Variants in NBAS observed in about 807,000 individuals in gnomAD.
The protein encoded by NBAS is NBAS subunit of NRZ tethering complex, also known as NAG/BC035112 fusion.
A neutral mutation model predicts 302.5 loss-of-function variants in NBAS; 219 were observed. The ratio of observed to expected loss-of-function variants is 0.72; its 90% CI spans 0.65 to 0.81. NBAS has a LOEUF of 0.81. Ranked by LOEUF, NBAS falls within the 30% of genes least tolerant of loss-of-function variation. The pLI is 0.00. For synonymous variants in NBAS, 1,118 were observed against 1,021.6 expected, an observed-to-expected ratio of 1.09 and a Z score of -1.80; for missense variants, 2,932 against 2,841.6, an observed-to-expected ratio of 1.03 and a Z score of -0.72.
At chr2:15,461,110 AATT>A in intron 21 of NBAS, 88 bp downstream of exon 21, 1 of 1,204,644 alleles carries the variant, frequency 8.3e-7, no homozygotes, top group Non-Finnish European at 1.2e-6. Context: ...ATTACATTAA[AATT>A]ATTTTTTTTA....
chr2:14,951,184 G>A, the NBAS span, among the ~76,000 whole-genome samples: 3 of 152,166 alleles, frequency 2.0e-5, no homozygotes, highest in Admixed American at 1.3e-4. Context: ...ACAGAAGAAA[G>A]GATGGGAAAT....
At chr2:15,425,684 T>G (rs1677435549) in intron 22 of NBAS, among the ~76,000 whole-genome samples, 1 of 151,946 alleles carries the variant, frequency 6.6e-6, no homozygotes, top group Non-Finnish European at 1.5e-5. Flanking sequence ...TCCAGGGATT[T>G]CCCCCCAGCT....
intron 40 of NBAS, among the ~76,000 whole-genome samples, chr2:15,299,288 T>C (rs1244789399): frequency 6.6e-6 from 1 of 152,244 alleles, no homozygotes; most frequent in African/African-American, 2.4e-5. Flanking sequence ...GGCAATGCAG[T>C]TCTTCAGGGA....
the NBAS span, among the ~76,000 whole-genome samples, chr2:15,104,419 T>C: frequency 6.6e-6 from 1 of 152,140 alleles, no homozygotes; most frequent in Non-Finnish European, 1.5e-5. Flanking sequence ...TCAGCACTCT[T>C]CTAGGCTCTG....
the NBAS span, among the ~76,000 whole-genome samples, chr2:15,001,194 T>C: frequency 6.6e-6 from 1 of 152,214 alleles, no homozygotes; most frequent in African/African-American, 2.4e-5. Context: ...CTCTCTACTA[T>C]TGAACTATCT....
intron 50 of NBAS, among the ~76,000 whole-genome samples, chr2:15,182,479 A>G (rs1324590091): frequency 3.9e-5 from 6 of 152,188 alleles, no homozygotes; most frequent in African/African-American, 7.2e-5. Context: ...GAACAATCAC[A>G]TTGACTTTTA....
intron 47 of NBAS, among the ~76,000 whole-genome samples, chr2:15,229,425 T>C (rs1016024564): frequency 8.2e-5 from 12 of 146,384 alleles, no homozygotes; most frequent in Non-Finnish European, 1.7e-4. Flanking sequence ...GTGTCAATTA[T>C]ACAATATAAA....
the NBAS span, among the ~76,000 whole-genome samples, chr2:15,106,274 T>G: frequency 6.6e-6 from 1 of 152,122 alleles, no homozygotes; most frequent in South Asian, 2.1e-4. Context: ...AAGATTCACA[T>G]TGAGGGCTGT....
At chr2:15,274,449 A>G (rs1331117392) in intron 44 of NBAS, among the ~76,000 whole-genome samples, 1 of 152,198 alleles carries the variant, frequency 6.6e-6, no homozygotes, top group Non-Finnish European at 1.5e-5. Flanking sequence ...AGAAGATTAA[A>G]CAGGAGCTCC....
rs1667965142 is a variant in NBAS at position 15,243,737 on chromosome 2, G to A, written c.5725-5051C>T. On this transcript the variant is annotated intron_variant, in intron 44 of 51. Coordinates refer to ENST00000281513, the MANE Select transcript of NBAS (RefSeq NM_015909.4). ...GTGTTGGGTGTTATATGATGCTGTGGGTATTACATGAAGTACTGTCCAGAT... is the reference window on the plus strand; with the variant it reads ...GTGTTGGGTGTTATATGATGCTGTGAGTATTACATGAAGTACTGTCCAGAT... Among the ~76,000 whole-genome samples the A allele has an allele frequency of 2.0e-5, 3 of 152,032 alleles. No homozygotes were observed. In the South Asian group the frequency reaches 6.2e-4, roughly 32 times the overall value.
At chr2:15,324,084 A>C (rs1229492025) in intron 38 of NBAS, among the ~76,000 whole-genome samples, 2 of 152,204 alleles carry the variant, frequency 1.3e-5, no homozygotes, top group East Asian at 3.9e-4. Context: ...ACAATCATGC[A>C]GGTCAGGGGA....
intron 9 of NBAS, among the ~76,000 whole-genome samples, chr2:15,533,527 G>A (rs779399466): frequency 3.9e-5 from 6 of 152,130 alleles, no homozygotes; most frequent in Non-Finnish European, 8.8e-5. Context: ...TTCCATTTAC[G>A]TGAAGTCAAA....
At chr2:15,271,234 A>G (rs748028927) in intron 44 of NBAS, among the ~76,000 whole-genome samples, 1 of 152,230 alleles carries the variant, frequency 6.6e-6, no homozygotes, top group Non-Finnish European at 1.5e-5. Context: ...TCCAGGAGGC[A>G]GAACCAAACA....
chr2:14,803,224 T>C, the NBAS span, among the ~76,000 whole-genome samples: 1 of 152,170 alleles, frequency 6.6e-6, no homozygotes, highest in Non-Finnish European at 1.5e-5. Flanking sequence ...AAAGAATAAA[T>C]ACAATTCCTG....
chr2:15,284,863 G>C (rs2148081309), intron 42 of NBAS, among the ~76,000 whole-genome samples: 1 of 152,304 alleles, frequency 6.6e-6, no homozygotes, highest in Non-Finnish European at 1.5e-5. Context: ...AGGAGGTAAT[G>C]ATTTCCTGCT....
intron 36 of NBAS, among the ~76,000 whole-genome samples, chr2:15,328,881 G>C (rs543960102): frequency 6.6e-6 from 1 of 152,284 alleles, no homozygotes; most frequent in South Asian, 2.1e-4. Flanking sequence ...TGAGGGTCCT[G>C]CCATGCCGAC....
the NBAS span, among the ~76,000 whole-genome samples, chr2:15,055,195 TG>T: frequency 6.6e-6 from 1 of 151,886 alleles, no homozygotes; most frequent in African/African-American, 2.4e-5. Context: ...ATTTTAGGGA[TG>T]GGTAAAGGAA....
chr2:15,022,538 T>C, the NBAS span, among the ~76,000 whole-genome samples: 1 of 152,200 alleles, frequency 6.6e-6, no homozygotes, highest in Non-Finnish European at 1.5e-5. Flanking sequence ...AAGAGAACCC[T>C]TTATTTCTTC....
At position 15,494,818 on chromosome 2, in the gene NBAS, A is replaced by G. The variant is rs1681004937; in HGVS notation, c.955-5796T>C. Among the ~76,000 whole-genome samples, 3 of 152,170 alleles carry G rather than the reference A, an allele frequency of 2.0e-5. No homozygotes were observed. In the South Asian group the frequency reaches 6.2e-4, roughly 32 times the overall value. On this transcript the variant is annotated intron_variant, in intron 11 of 51. Transcript: ENST00000281513. ...AAAAACATAGGCATATGTTCTTTGA[A>G]AAAACTCCCAGATATCTCTGATGTG...
Sources: gnomAD v4.1 joint callset for allele counts (sites outside exome capture counted in the v4.1 genomes callset) on GRCh38, gnomAD v4.1.1 for gene constraint, MANE v1.5 for transcripts, NCBI Gene and HGNC (gene_info 2026-07-23, HGNC 2026-07-21) for gene names.